SLC38A5: variants seen among roughly 807,000 people sequenced by gnomAD.
SLC38A5 encodes sodium-coupled neutral amino acid transporter 5.
A neutral mutation model predicts 34.6 loss-of-function variants in SLC38A5; 9 were observed. The ratio of observed to expected loss-of-function variants is 0.26; its 90% CI spans 0.16 to 0.45. The LOEUF (loss-of-function observed/expected upper bound fraction) is 0.45, where lower values mean the gene tolerates loss of function less well. Ranked by LOEUF, SLC38A5 falls within the 20% of genes least tolerant of loss-of-function variation. SLC38A5 has a pLI of 1.00. For missense variants in SLC38A5, 253 were observed against 394.7 expected (o/e 0.64, Z 3.04); for synonymous variants, 157 against 155.6 (o/e 1.01, Z -0.07).
At chrX:48,459,304 T>G in intron 16 of SLC38A5, 1 of 434,237 alleles carries the variant, frequency 2.3e-6, no homozygotes, top group Admixed American at 4.5e-5. Context: ...GTCTGGAGAA[T>G]GCTCCCTCTA....
chrX:48,466,722 T>G, intron 6 of SLC38A5, 77 bp downstream of exon 6: 2 of 1,053,957 alleles, frequency 1.9e-6, no homozygotes, highest in Non-Finnish European at 1.3e-6. Context: ...AGGTCTGTGT[T>G]GAGCTCTGGA....
At position 48,462,233 on chromosome X, in the gene SLC38A5, C is replaced by T; in HGVS notation, c.633G>A (p.Ser211=). 1 of 1,211,160 alleles carries T rather than the reference C, an allele frequency of 8.3e-7. No homozygotes were observed. Residue 211 remains serine (S), a splice_region_variant and synonymous_variant, in exon 10 of 17, where the codon TCG becomes TCA. Coordinates refer to ENST00000620913, the MANE Select transcript of SLC38A5 (RefSeq NM_033518.4). ...SLTCMLFFLV[S]VIYKKFQLGC... is the part of the protein sequence containing the mutation. ...CTCTCCCCGCTTCTCTGTGACTCAC[C>T]GAAACAAGGAAAAACAGCATGCAGG...
At chrX:48,462,565 G>A (rs1260266273) in intron 9 of SLC38A5, among the ~76,000 whole-genome samples, 1 of 110,650 alleles carries the variant, frequency 9.0e-6, no homozygotes, top group African/African-American at 3.3e-5. Context: ...CCAAGACCAC[G>A]CCATTGCACC....
intron 16 of SLC38A5, chrX:48,459,268 T>C: frequency 2.2e-6 from 1 of 448,720 alleles, no homozygotes; most frequent in Non-Finnish European, 3.8e-6. Flanking sequence ...CTTCCAGCTC[T>C]CTTCCCAATA....
Position 48,458,692 on chromosome X carries a change from C to T in SLC38A5, c.*241G>A. On this transcript the variant is annotated 3_prime_UTR_variant, in exon 17 of 17. Coordinates refer to ENST00000620913, the MANE Select transcript of SLC38A5 (RefSeq NM_033518.4). ...TCCTCCTCCTCCTCCTCCTCCTCCT[C>T]CTCTTCTTCCTCCTCCTCCTCCTCC... 1.0e-6 allele frequency: 1 copy of T among 999,697 alleles called. No individual in the cohort carries two copies. Among genetic ancestry groups the T allele is most frequent in the Non-Finnish European group, 1.3e-6 (1 of 791,831 alleles). The allele number at this position is 999,697 out of a possible 1,213,427, so 82.4% of individuals were successfully genotyped here. A position where few individuals can be genotyped will look rare whatever the true frequency, so the allele number is the denominator to read the frequency against.
intron 8 of SLC38A5, among the ~76,000 whole-genome samples, chrX:48,463,386 T>G (rs781940575): frequency 1.8e-5 from 2 of 111,175 alleles, no homozygotes; most frequent in East Asian, 5.7e-4. Context: ...GTGGATCACC[T>G]AAGGTCAGGA....
At position 48,461,152 on chromosome X, in the gene SLC38A5, C is replaced by T. The variant is rs782061013; in HGVS notation, c.852-66G>A. Reference sequence around the variant, plus strand: ...GAGACTTGCCCCAGGTCCCTCAAAGCCAGCCTCCACCCTCCAGAGTCCCCT... The same window carrying T: ...GAGACTTGCCCCAGGTCCCTCAAAGTCAGCCTCCACCCTCCAGAGTCCCCT... On this transcript the variant is annotated intron_variant, in intron 12 of 16. Coordinates refer to ENST00000620913, the MANE Select transcript of SLC38A5 (RefSeq NM_033518.4). 2.5e-4 allele frequency: 230 copies of T among 914,674 alleles called. 2 individuals are homozygous for T. The South Asian group carries it at 4.8e-3, about 19-fold the overall frequency. 75.4% of individuals were successfully genotyped at this position (914,674 alleles called of 1,213,427 possible).
chrX:48,461,818 A>C, intron 11 of SLC38A5, 21 bp from the exon 12 acceptor site: 2 of 1,199,911 alleles, frequency 1.7e-6, no homozygotes, highest in Non-Finnish European at 2.3e-6. Context: ...GCCCGAGTAC[A>C]TGGGATTAGA....
rs1468116536 is a variant in SLC38A5, at chrX:48,463,913, G to GAAAGAA, written c.492-939_492-934dup. The stretch of plus-strand genomic sequence containing the variant: ...AAAGAAAGAAAGAAAGAAAGAAAGA[G>GAAAGAA]AAAGAAAGAAAGGAGAAAATCAGTG... On this transcript the variant is annotated intron_variant, in intron 8 of 16. Coordinates refer to ENST00000620913, the MANE Select transcript of SLC38A5 (RefSeq NM_033518.4). Among the ~76,000 whole-genome samples the GAAAGAA allele has an allele frequency of 3.4e-3, 329 of 96,283 alleles. 1 individual carries two copies. Among genetic ancestry groups the GAAAGAA allele is most frequent in the African/African-American group, 0.011 (275 of 26,041 alleles). The allele number at this position is 96,283 out of a possible 115,157, so 83.6% of individuals were successfully genotyped here.
chrX:48,467,425 A>C, intron 4 of SLC38A5: 1 of 410,937 alleles, frequency 2.4e-6, no homozygotes, highest in East Asian at 4.0e-5. Flanking sequence ...AGGAGGAAGA[A>C]CAGCTGGAGG....
In SLC38A5 at chrX:48,458,902, G is replaced by A. The variant is rs1556961229; in HGVS notation, c.*31C>T. On this transcript the variant is annotated 3_prime_UTR_variant, in exon 17 of 17. Transcript: ENST00000620913. Reference sequence around the variant, plus strand: ...GCGGCCCTGACCCCTCCATGTGCATGCGCACAGGGACCTGGGCCAGCAGGG... The same window carrying A: ...GCGGCCCTGACCCCTCCATGTGCATACGCACAGGGACCTGGGCCAGCAGGG... 6.0e-6 allele frequency: 7 copies of A among 1,165,377 alleles called. No homozygotes were observed. In the South Asian group the frequency reaches 1.2e-4, roughly 19 times the overall value.
In SLC38A5 at chrX:48,468,263, C is replaced by T. The variant is rs959078120; in HGVS notation, c.-1-338G>A. 2.4e-4 allele frequency: 221 copies of T among 910,930 alleles called. 1 individual carries two copies. In the South Asian group the frequency reaches 6.0e-3, roughly 25 times the overall value. The allele number at this position is 910,930 out of a possible 1,213,427, so 75.1% of individuals were successfully genotyped here. A position where few individuals can be genotyped will look rare whatever the true frequency, so the allele number is the denominator to read the frequency against. On this transcript the variant is annotated intron_variant, in intron 2 of 16. Coordinates refer to ENST00000620913, the MANE Select transcript of SLC38A5 (RefSeq NM_033518.4). ...GACCCCAGCGCAGATGAGCCGACCA[C>T]GTGGAGAAGGGATAGCCTCTCCTCC...
At position 48,468,272 on chromosome X, in the gene SLC38A5, G is replaced by A. The variant is rs1209926792; in HGVS notation, c.-1-347C>T. On this transcript the variant is annotated intron_variant, in intron 2 of 16. Coordinates refer to ENST00000620913, the MANE Select transcript of SLC38A5 (RefSeq NM_033518.4). ...GCAGATGAGCCGACCACGTGGAGAA[G>A]GGATAGCCTCTCCTCCCAGACCCCA... is the stretch of plus-strand genomic sequence containing the variant. The A allele has an allele frequency of 3.4e-6, 3 of 893,755 alleles. No individual in the cohort carries two copies. The African/African-American group carries it at 6.3e-5, about 19-fold the overall frequency. 73.7% of individuals were successfully genotyped at this position (893,755 alleles called of 1,213,427 possible). A position where few individuals can be genotyped will look rare whatever the true frequency, so the allele number is the denominator to read the frequency against.
chrX:48,468,759 C>G lies in SLC38A5; in HGVS notation c.-2+576G>C, dbSNP rs782521404. The G allele has an allele frequency of 2.1e-5, 12 of 572,228 alleles. No individual in the cohort carries two copies. The East Asian group carries it at 1.7e-3, about 82-fold the overall frequency. 47.2% of individuals were successfully genotyped at this position (572,228 alleles called of 1,213,427 possible). Reference sequence around the variant, plus strand: ...GCAGAAGTCAATTTGGAGACACTGCCAGACTTGAGAAACTTCCTAGGTGTG... The same window carrying G: ...GCAGAAGTCAATTTGGAGACACTGCGAGACTTGAGAAACTTCCTAGGTGTG... On this transcript the variant is annotated intron_variant, in intron 2 of 16. Coordinates refer to ENST00000620913, the MANE Select transcript of SLC38A5 (RefSeq NM_033518.4).
At chrX:48,459,434 G>A (rs1222886311) in intron 16 of SLC38A5, 102 bp downstream of exon 16, 2 of 746,235 alleles carry the variant, frequency 2.7e-6, no homozygotes, top group Non-Finnish European at 3.7e-6. Flanking sequence ...TGCTCTCCCA[G>A]CCCCCTCCTA....
At chrX:48,467,812 G>C (rs782558296) in intron 3 of SLC38A5, 27 bp from the exon 4 acceptor site, 3 of 1,200,598 alleles carry the variant, frequency 2.5e-6, no homozygotes, top group Admixed American at 4.5e-5. Context: ...AATAGGGGCC[G>C]ATAAGAGGGA....
intron 12 of SLC38A5, 69 bp from the exon 13 acceptor site, chrX:48,461,155 G>T: frequency 1.1e-6 from 1 of 913,518 alleles, no homozygotes; most frequent in Non-Finnish European, 1.5e-6. Flanking sequence ...CTCAAAGCCA[G>T]CCTCCACCCT....
intron 9 of SLC38A5, 56 bp from the exon 10 acceptor site, chrX:48,462,347 C>A: frequency 8.8e-7 from 1 of 1,138,424 alleles, no homozygotes; most frequent in East Asian, 3.1e-5. Flanking sequence ...TGGCTCACAC[C>A]TATAATCCTA....
At chrX:48,466,941 G>T in intron 5 of SLC38A5, 21 bp downstream of exon 5, 1 of 1,206,822 alleles carries the variant, frequency 8.3e-7, no homozygotes, top group Non-Finnish European at 1.1e-6. Flanking sequence ...CCCTGGCCCC[G>T]CAGGCCACCT....
Sources: allele counts gnomAD v4.1 joint callset (sites outside exome capture counted in the v4.1 genomes callset), GRCh38; gene constraint gnomAD v4.1.1; transcripts MANE v1.5; gene names NCBI Gene and HGNC (gene_info 2026-07-23, HGNC 2026-07-21).